The following LANCL3 variants were observed in gnomAD, a reference collection of about 807,000 sequenced individuals.
The protein encoded by LANCL3 is lanC-like protein 3.
LANCL3 carries 19 observed loss-of-function variants against 26.5 expected under a neutral mutation model. That is an observed-to-expected ratio of 0.72 (90% CI 0.50 to 1.05). The LOEUF (loss-of-function observed/expected upper bound fraction) is 1.05. Among genes scored for constraint, LANCL3 ranks in the 50% least tolerant of loss-of-function variants. The pLI is 0.00. For synonymous variants in LANCL3, 160 were observed against 166.6 expected (o/e 0.96, Z 0.30); for missense variants, 318 against 362.7 (o/e 0.88, Z 1.00).
intron 1 of LANCL3, among the ~76,000 whole-genome samples, chrX:37,633,754 A>T (rs1438969552): frequency 3.6e-5 from 4 of 111,754 alleles, no homozygotes; most frequent in Non-Finnish European, 7.5e-5. Flanking sequence ...GATTTTCGTG[A>T]ACCGCAAATG....
In LANCL3 at chrX:37,572,044, T is replaced by TA. The variant is rs781879112; in HGVS notation, c.175dup (p.Ser59LysfsTer39). On this transcript the variant is annotated frameshift_variant, in exon 1 of 5. Coordinates refer to ENST00000378619, the MANE Select transcript of LANCL3 (RefSeq NM_001170331.2). LOFTEE classifies it high-confidence loss of function. ...AGGCCCGAGGGGCGACGGCGGGGGC[T>TA]AGCGCCTGCCAGGGGGGGCTTTATG... 1.4e-5 allele frequency: 17 copies of TA among 1,181,065 alleles called. No homozygotes were observed. The highest frequency in any genetic ancestry group is 1.9e-5 in the Non-Finnish European group (17 of 881,551).
In LANCL3 at chrX:37,667,321, A is replaced by T. The variant is rs201965680; in HGVS notation, c.935A>T (p.Lys312Met). ...TTTGCCAAAGCTTATCTGGTTTCCA[A>T]GAAACCGCAGTACCTGGACACATGT... ...YLFAKAYLVS[K>M]KPQYLDTCIR... Residue 312 changes from lysine to methionine, a missense_variant, in exon 4 of 5, where the codon AAG (lysine) becomes ATG (methionine). Lys to Met is a moderately conservative substitution (Grantham distance 95). Coordinates refer to ENST00000378619, the MANE Select transcript of LANCL3 (RefSeq NM_001170331.2). The T allele has an allele frequency of 7.9e-6, 9 of 1,145,161 alleles. No individual in the cohort carries two copies. The Admixed American group carries it at 1.2e-4, about 15-fold the overall frequency. 94.4% of individuals were successfully genotyped at this position (1,145,161 alleles called of 1,213,427 possible). A position where few individuals can be genotyped will look rare whatever the true frequency, so the allele number is the denominator to read the frequency against.
chrX:37,589,750 T>G (rs1924219257), intron 1 of LANCL3, among the ~76,000 whole-genome samples: 1 of 111,707 alleles, frequency 9.0e-6, no homozygotes, highest in South Asian at 3.8e-4. Context: ...TGTATTCTTT[T>G]GGATGTTCAG....
intron 1 of LANCL3, among the ~76,000 whole-genome samples, chrX:37,594,953 G>T (rs370922849): frequency 8.9e-6 from 1 of 111,972 alleles, no homozygotes; most frequent in South Asian, 3.7e-4. Context: ...ATGGCAAGTT[G>T]TGCAATAAAC....
chrX:37,585,376 G>T (rs782404046), intron 1 of LANCL3, among the ~76,000 whole-genome samples: 12 of 111,318 alleles, frequency 1.1e-4, no homozygotes, highest in African/African-American at 3.9e-4. Flanking sequence ...TCATTGATCT[G>T]TCTAATGTTG....
At chrX:37,640,714 C>G (rs1293887345) in intron 1 of LANCL3, among the ~76,000 whole-genome samples, 1 of 111,619 alleles carries the variant, frequency 9.0e-6, no homozygotes, top group Non-Finnish European at 1.9e-5. Flanking sequence ...ATTCCAGGGC[C>G]AGTAGGCTCC....
At chrX:37,632,863 C>G (rs1353222057) in intron 1 of LANCL3, among the ~76,000 whole-genome samples, 3 of 111,677 alleles carry the variant, frequency 2.7e-5, no homozygotes, top group African/African-American at 9.8e-5. Context: ...GTAACCCGAC[C>G]TTTCTCTCTG....
At chrX:37,662,485 G>A (rs1926446705) in intron 3 of LANCL3, among the ~76,000 whole-genome samples, 3 of 111,511 alleles carry the variant, frequency 2.7e-5, no homozygotes, top group Admixed American at 1.9e-4. Flanking sequence ...TGCAGATATC[G>A]TTGGTCATTA....
intron 1 of LANCL3, among the ~76,000 whole-genome samples, chrX:37,574,054 C>CAAAAAAAAAAAA (rs34987799): frequency 0.012 from 391 of 33,397 alleles, 22 homozygotes; most frequent in African/African-American, 0.034. Flanking sequence ...TCAAGGATAG[C>CAAAAAAAAAAAA]AAAAAAAAAA....
intron 4 of LANCL3, chrX:37,668,257 CTATA>C (rs200578896): frequency 1.1e-3 from 148 of 135,526 alleles, no homozygotes; most frequent in East Asian, 2.7e-3. Flanking sequence ...AATTGCTGGA[CTATA>C]TATATATATA....
intron 1 of LANCL3, among the ~76,000 whole-genome samples, chrX:37,599,972 C>T (rs185697398): frequency 2.6e-3 from 291 of 111,696 alleles, no homozygotes; most frequent in African/African-American, 8.7e-3. Context: ...ATTGGCTCAT[C>T]GAGGTGACAG....
At chrX:37,650,580 G>A (rs1217219016) in intron 1 of LANCL3, among the ~76,000 whole-genome samples, 1 of 106,445 alleles carries the variant, frequency 9.4e-6, no homozygotes, top group Non-Finnish European at 1.9e-5. Flanking sequence ...GGTGGGTATT[G>A]TATGGAAAAT....
intron 1 of LANCL3, among the ~76,000 whole-genome samples, chrX:37,603,744 G>C (rs1191827918): frequency 8.9e-6 from 1 of 112,196 alleles, no homozygotes; most frequent in Admixed American, 9.4e-5. Context: ...AGAGCACAAT[G>C]ATTAGTGGGG....
chrX:37,618,976 CTT>C (rs1556421991), intron 1 of LANCL3, among the ~76,000 whole-genome samples: 1 of 111,182 alleles, frequency 9.0e-6, no homozygotes, highest in Non-Finnish European at 1.9e-5. Context: ...TCCTCTCACT[CTT>C]AATCCTAGTG....
intron 1 of LANCL3, among the ~76,000 whole-genome samples, chrX:37,621,013 C>T (rs1556422203): frequency 9.1e-6 from 1 of 109,396 alleles, no homozygotes; most frequent in South Asian, 3.9e-4. Context: ...CATCTCAACC[C>T]AGATCTCCAC....
At chrX:37,641,697 G>T (rs782635395) in intron 1 of LANCL3, among the ~76,000 whole-genome samples, 1 of 111,757 alleles carries the variant, frequency 8.9e-6, no homozygotes, top group Non-Finnish European at 1.9e-5. Flanking sequence ...TATCTTTTCA[G>T]CTTGTTCTGT....
intron 1 of LANCL3, among the ~76,000 whole-genome samples, chrX:37,652,519 ATATCT>A (rs1556429416): frequency 8.9e-6 from 1 of 112,418 alleles, no homozygotes; most frequent in African/African-American, 3.2e-5. Context: ...TATTTTTGAA[ATATCT>A]TAATTTATTT....
chrX:37,662,877 A>C (rs1257356117), intron 3 of LANCL3, among the ~76,000 whole-genome samples: 2 of 109,046 alleles, frequency 1.8e-5, no homozygotes, highest in Non-Finnish European at 3.8e-5. Context: ...GTTAGGAGCC[A>C]ACAGGTTTAC....
At chrX:37,630,978 G>A (rs1925482554) in intron 1 of LANCL3, among the ~76,000 whole-genome samples, 1 of 111,885 alleles carries the variant, frequency 8.9e-6, no homozygotes, top group Non-Finnish European at 1.9e-5. Context: ...AATGAGTTAA[G>A]GAGGATTCCC....
Sources: gnomAD v4.1 joint callset for allele counts (sites outside exome capture counted in the v4.1 genomes callset) on GRCh38, gnomAD v4.1.1 for gene constraint, MANE v1.5 for transcripts, NCBI Gene and HGNC (gene_info 2026-07-23, HGNC 2026-07-21) for gene names.